The following TAMM41 variants were observed in gnomAD, a reference collection of about 807,000 sequenced individuals.
TAMM41 encodes the protein TAM41 mitochondrial translocator assembly and maintenance homolog, also known as phosphatidate cytidylyltransferase, mitochondrial.
In TAMM41, 36 loss-of-function variants were observed where a neutral mutation model predicts 44.1. That is an observed-to-expected ratio of 0.82 (90% CI 0.63 to 1.08). TAMM41 has a LOEUF of 1.08. TAMM41 is among the 50% of genes least tolerant of loss of function. The probability of loss-of-function intolerance (pLI) is 0.00; values close to 1 mark genes in which losing one functional copy is unlikely to be tolerated. For missense variants in TAMM41, 417 were observed against 404.3 expected (o/e 1.03, Z -0.27); for synonymous variants, 164 against 153.1 (o/e 1.07, Z -0.53).
the TAMM41 span, among the ~76,000 whole-genome samples, chr3:11,749,887 A>G: frequency 6.9e-6 from 1 of 144,356 alleles, no homozygotes; most frequent in African/African-American, 2.6e-5. Context: ...TGGAGTGTCA[A>G]TTTCTTTTTC....
At chr3:11,771,728 G>A in the TAMM41 span, among the ~76,000 whole-genome samples, 20 of 151,996 alleles carry the variant, frequency 1.3e-4, no homozygotes, top group South Asian at 2.1e-4. Flanking sequence ...GATTACAGGC[G>A]CCCGCCACCA....
At chr3:11,753,311 G>T in the TAMM41 span, among the ~76,000 whole-genome samples, 1 of 152,064 alleles carries the variant, frequency 6.6e-6, no homozygotes, top group Non-Finnish European at 1.5e-5. Flanking sequence ...GGTGTGGCTT[G>T]TAGTCCCAGC....
chr3:11,776,699 T>C, the TAMM41 span, among the ~76,000 whole-genome samples: 1 of 152,144 alleles, frequency 6.6e-6, no homozygotes, highest in African/African-American at 2.4e-5. Flanking sequence ...TCCCTGTCAT[T>C]AAGTGACACG....
At chr3:11,818,519 T>C (rs2078376014) in intron 4 of TAMM41, among the ~76,000 whole-genome samples, 1 of 152,160 alleles carries the variant, frequency 6.6e-6, no homozygotes, top group Non-Finnish European at 1.5e-5. Flanking sequence ...GAGTAAGGAA[T>C]AAAATATGCT....
the TAMM41 span, among the ~76,000 whole-genome samples, chr3:11,747,422 G>A: frequency 6.6e-6 from 1 of 152,050 alleles, no homozygotes. Flanking sequence ...TGGTTACATA[G>A]GCATATGTGA....
At chr3:11,786,256 T>C (rs1242768029), downstream of TAMM41, among the ~76,000 whole-genome samples, 1 of 115,060 alleles carries the variant, frequency 8.7e-6, no homozygotes, top group Non-Finnish European at 1.7e-5. Context: ...TACATTAAGT[T>C]CCATTTATTT....
the TAMM41 span, among the ~76,000 whole-genome samples, chr3:11,752,959 T>C: frequency 6.6e-6 from 1 of 151,826 alleles, no homozygotes; most frequent in African/African-American, 2.4e-5. Context: ...CTGGCCCATA[T>C]GAAGCTTATA....
downstream of TAMM41, among the ~76,000 whole-genome samples, chr3:11,788,313 C>T (rs2077428775): frequency 6.6e-6 from 1 of 152,192 alleles, no homozygotes; most frequent in African/African-American, 2.4e-5. Flanking sequence ...ATCGTATAAG[C>T]AGTGGAGAAT....
chr3:11,809,375 A>C, intron 6 of TAMM41, 142 bp downstream of exon 6: 1 of 964,772 alleles, frequency 1.0e-6, no homozygotes, highest in Non-Finnish European at 1.5e-6. Flanking sequence ...GAAAACCCTC[A>C]AATTTTTAGT....
At chr3:11,765,521 T>A in the TAMM41 span, among the ~76,000 whole-genome samples, 1 of 152,186 alleles carries the variant, frequency 6.6e-6, no homozygotes, top group Admixed American at 6.5e-5. Flanking sequence ...CAACACCAGG[T>A]CATTTCCAGT....
At chr3:11,728,120 G>T in the TAMM41 span, among the ~76,000 whole-genome samples, 1 of 151,888 alleles carries the variant, frequency 6.6e-6, no homozygotes, top group Non-Finnish European at 1.5e-5. Flanking sequence ...ATGTGAATCT[G>T]CAACTATTTC....
chr3:11,738,103 T>C, the TAMM41 span, among the ~76,000 whole-genome samples: 2 of 152,364 alleles, frequency 1.3e-5, no homozygotes, highest in East Asian at 3.9e-4. Context: ...GTCGTTCAGA[T>C]GAGCCACGAC....
the TAMM41 span, among the ~76,000 whole-genome samples, chr3:11,731,393 G>T: frequency 6.6e-6 from 1 of 152,114 alleles, no homozygotes; most frequent in East Asian, 1.9e-4. Context: ...TACTTGGGAG[G>T]CTGAGACAGG....
At chr3:11,756,865 C>A in the TAMM41 span, among the ~76,000 whole-genome samples, 245 of 131,370 alleles carry the variant, frequency 1.9e-3, no homozygotes, top group African/African-American at 2.0e-3. Context: ...AATTCCGTCT[C>A]AAAAAAAAAA....
chr3:11,801,749 T>G (rs1386418623), intron 7 of TAMM41, among the ~76,000 whole-genome samples: 1 of 152,086 alleles, frequency 6.6e-6, no homozygotes, highest in Non-Finnish European at 1.5e-5. Context: ...CATAAAAAAG[T>G]AGGAAGATCA....
At chr3:11,762,585 C>T in the TAMM41 span, among the ~76,000 whole-genome samples, 1 of 152,218 alleles carries the variant, frequency 6.6e-6, no homozygotes. Flanking sequence ...CTAGATTTAT[C>T]ATAATTCTCT....
intron 7 of TAMM41, among the ~76,000 whole-genome samples, chr3:11,804,326 A>G (rs553360584): frequency 6.6e-6 from 1 of 152,178 alleles, no homozygotes; most frequent in Non-Finnish European, 1.5e-5. Context: ...AAACAGCCCC[A>G]TGCATCTTTA....
the TAMM41 span, among the ~76,000 whole-genome samples, chr3:11,745,831 T>G: frequency 6.6e-6 from 1 of 152,162 alleles, no homozygotes; most frequent in Non-Finnish European, 1.5e-5. Flanking sequence ...AGATGCTAAA[T>G]TTGAAGTTAT....
At chr3:11,830,528 C>G (rs1361512134) in intron 3 of TAMM41, among the ~76,000 whole-genome samples, 1 of 152,116 alleles carries the variant, frequency 6.6e-6, no homozygotes, top group Non-Finnish European at 1.5e-5. Context: ...AAGAATTTTT[C>G]TCCTCAATAC....
Sources: allele counts gnomAD v4.1 joint callset (sites outside exome capture counted in the v4.1 genomes callset), GRCh38; gene constraint gnomAD v4.1.1; transcripts MANE v1.5; gene names NCBI Gene and HGNC (gene_info 2026-07-23, HGNC 2026-07-21).